Variants in IGF1 observed in about 807,000 individuals in gnomAD.
IGF1 encodes the protein insulin like growth factor 1, also known as insulin-like growth factor 1.
Under a neutral mutation model 13.8 loss-of-function variants are expected in IGF1, and 4 were observed. The observed-to-expected ratio is 0.29, with a 90% confidence interval of 0.14 to 0.66. The LOEUF is 0.66. Among genes scored for constraint, IGF1 ranks in the 30% least tolerant of loss-of-function variants. IGF1 has a pLI of 0.78. For missense variants in IGF1, 124 were observed against 188.5 expected (o/e 0.66, Z 2.00); for synonymous variants, 76 against 72.6 (o/e 1.05, Z -0.23).
intron 2 of IGF1, among the ~76,000 whole-genome samples, chr12:102,441,267 T>A (rs1877689410): frequency 6.6e-6 from 1 of 152,238 alleles, no homozygotes; most frequent in African/African-American, 2.4e-5. Context: ...TGCACCATTA[T>A]CTTCTTGCTT....
chr12:102,436,491 C>G (rs1216288278), intron 2 of IGF1, among the ~76,000 whole-genome samples: 2 of 152,112 alleles, frequency 1.3e-5, no homozygotes, highest in Non-Finnish European at 2.9e-5. Flanking sequence ...CTTCCTATGC[C>G]TTTGCCCTAT....
intron 2 of IGF1, among the ~76,000 whole-genome samples, chr12:102,422,486 TAACA>T (rs1875819561): frequency 6.6e-6 from 1 of 152,192 alleles, no homozygotes; most frequent in Non-Finnish European, 1.5e-5. Flanking sequence ...TCAAAATATT[TAACA>T]AACAAAAAAC....
chr12:102,432,386 A>G (rs1876814795), intron 2 of IGF1, among the ~76,000 whole-genome samples: 1 of 152,226 alleles, frequency 6.6e-6, no homozygotes. Flanking sequence ...TCTACTACTC[A>G]TAGATCATTT....
chr12:102,441,906 GCTTCTT>G (rs770800968), intron 2 of IGF1, among the ~76,000 whole-genome samples: 1 of 100,292 alleles, frequency 1.0e-5, no homozygotes, highest in African/African-American at 3.9e-5. Flanking sequence ...CTATTACACT[GCTTCTT>G]CTCCTTCTTC....
At position 102,407,342 on chromosome 12, in the gene IGF1, A is replaced by G. The variant is rs183587629; in HGVS notation, c.403-4776T>C. On this transcript the variant is annotated intron_variant, in intron 3 of 3. Coordinates refer to ENST00000337514, the MANE Select transcript of IGF1 (RefSeq NM_000618.5). ...TCACAGAGGAACAAACTGATAGACA[A>G]AGGGCTAAAATAATAACAGTTCCCA... Among the ~76,000 whole-genome samples, 209 of 152,300 alleles carry G rather than the reference A, an allele frequency of 1.4e-3. 1 individual carries two copies. Among genetic ancestry groups the G allele is most frequent in the African/African-American group, 4.8e-3 (200 of 41,576 alleles).
chr12:102,479,918 CACAT>C (rs544851151), intron 1 of IGF1, among the ~76,000 whole-genome samples: 366 of 151,464 alleles, frequency 2.4e-3, no homozygotes, highest in African/African-American at 8.4e-3. Context: ...CACACAGAGA[CACAT>C]ACACACATGC....
chr12:102,445,012 G>A (rs1878189463), intron 2 of IGF1, among the ~76,000 whole-genome samples: 1 of 151,992 alleles, frequency 6.6e-6, no homozygotes, highest in Non-Finnish European at 1.5e-5. Flanking sequence ...CCCATTGCTT[G>A]TTTTTGTCCG....
At chr12:102,418,005 T>C (rs767887079) in intron 3 of IGF1, 3 of 1,604,790 alleles carry the variant, frequency 1.9e-6, no homozygotes, top group East Asian at 2.2e-5. Context: ...GGGCTGATAC[T>C]GTAAACATCA....
intron 2 of IGF1, among the ~76,000 whole-genome samples, chr12:102,473,895 A>G (rs1027482888): frequency 6.6e-6 from 1 of 152,232 alleles, no homozygotes; most frequent in Non-Finnish European, 1.5e-5. Flanking sequence ...ATAGGCATAG[A>G]AAGATCCAGT....
At chr12:102,446,917 A>C (rs1027353878) in intron 2 of IGF1, among the ~76,000 whole-genome samples, 4 of 151,866 alleles carry the variant, frequency 2.6e-5, no homozygotes, top group Admixed American at 2.0e-4. Flanking sequence ...ATTCTGGTAC[A>C]TTTTGTCTTT....
At chr12:102,431,253 G>T (rs778911236) in intron 2 of IGF1, among the ~76,000 whole-genome samples, 1 of 152,178 alleles carries the variant, frequency 6.6e-6, no homozygotes, top group East Asian at 1.9e-4. Flanking sequence ...AAGCGTGAAC[G>T]CTTGAAAAGA....
chr12:102,438,294 G>A (rs1877416093), intron 2 of IGF1, among the ~76,000 whole-genome samples: 1 of 152,162 alleles, frequency 6.6e-6, no homozygotes, highest in Non-Finnish European at 1.5e-5. Flanking sequence ...GGCTGCTGGT[G>A]ATTTGGAATC....
intron 2 of IGF1, 141 bp from the exon 3 acceptor site, chr12:102,419,831 G>C (rs1259752731): frequency 1.3e-6 from 1 of 778,382 alleles, no homozygotes; most frequent in African/African-American, 1.7e-5. Context: ...CTTCCCCAAT[G>C]ATTCCTGACC....
At chr12:102,463,428 A>G (rs1315938154) in intron 2 of IGF1, 1 of 152,202 alleles carries the variant, frequency 6.6e-6, no homozygotes, top group Non-Finnish European at 1.5e-5. Context: ...GTTTGGGGTC[A>G]CTTCTGAGTT....
intron 2 of IGF1, among the ~76,000 whole-genome samples, chr12:102,469,490 C>G (rs1243909695): frequency 6.6e-6 from 1 of 152,148 alleles, no homozygotes; most frequent in Non-Finnish European, 1.5e-5. Flanking sequence ...GCAGCAGCCT[C>G]TAATTAGCCT....
In IGF1 at chr12:102,401,856, A is replaced by G. The variant is rs2136938237; in HGVS notation, c.*651T>C. On this transcript the variant is annotated 3_prime_UTR_variant, in exon 4 of 4. Coordinates refer to ENST00000337514, the MANE Select transcript of IGF1 (RefSeq NM_000618.5). ...ATTCTTTTTTGTAAGCATGATGTGGAAAAATAAAGCTTTGTGTCTAAAATA... is the reference window on the plus strand; with the variant it reads ...ATTCTTTTTTGTAAGCATGATGTGGGAAAATAAAGCTTTGTGTCTAAAATA... 6.5e-6 allele frequency: 1 copy of G among 152,758 alleles called. No homozygotes were observed. Among genetic ancestry groups the G allele is most frequent in the South Asian group, 2.1e-4 (1 of 4,826 alleles). 9.5% of individuals were successfully genotyped at this position (152,758 alleles called of 1,614,324 possible). A position where few individuals can be genotyped will look rare whatever the true frequency, so the allele number is the denominator to read the frequency against.
chr12:102,460,032 G>A (rs1341590820), intron 2 of IGF1, among the ~76,000 whole-genome samples: 1 of 152,196 alleles, frequency 6.6e-6, no homozygotes, highest in Non-Finnish European at 1.5e-5. Flanking sequence ...AATAAATTAA[G>A]CCTGCAAGGG....
At chr12:102,411,253 T>G (rs972079373) in intron 3 of IGF1, among the ~76,000 whole-genome samples, 1 of 152,186 alleles carries the variant, frequency 6.6e-6, no homozygotes, top group African/African-American at 2.4e-5. Flanking sequence ...GCCACATACT[T>G]ACACCATGAC....
chr12:102,459,241 C>A (rs1879702412), intron 2 of IGF1, among the ~76,000 whole-genome samples: 1 of 152,106 alleles, frequency 6.6e-6, no homozygotes. Flanking sequence ...ACGTAAAATG[C>A]CTTACTGTCA....
Sources: gnomAD v4.1 joint callset for allele counts (sites outside exome capture counted in the v4.1 genomes callset) on GRCh38, gnomAD v4.1.1 for gene constraint, MANE v1.5 for transcripts, NCBI Gene and HGNC (gene_info 2026-07-23, HGNC 2026-07-21) for gene names.